NAV2: variants seen among roughly 807,000 people sequenced by gnomAD.
NAV2 encodes neuron navigator 2.
In NAV2, 54 loss-of-function variants were observed where a neutral mutation model predicts 223.2. The observed-to-expected ratio is 0.24, with a 90% CI of 0.19 to 0.30. NAV2 has a LOEUF of 0.30. Ranked by LOEUF, NAV2 falls within the 10% of genes least tolerant of loss-of-function variation. The pLI, the probability that NAV2 is intolerant of heterozygous loss-of-function variation, is 1.00. For synonymous variants in NAV2, 1,279 were observed against 1,239.3 expected (o/e 1.03, Z -0.67); for missense variants, 2,806 against 3,147.5 (o/e 0.89, Z 2.60).
At chr11:19,432,161 G>A (rs1851059850) in intron 1 of NAV2, among the ~76,000 whole-genome samples, 1 of 148,666 alleles carries the variant, frequency 6.7e-6, no homozygotes, top group Non-Finnish European at 1.5e-5. Flanking sequence ...TTGCACCACT[G>A]CACTCCAGCC....
intron 6 of NAV2, among the ~76,000 whole-genome samples, chr11:19,932,718 A>T (rs2045492458): frequency 1.3e-5 from 2 of 152,328 alleles, no homozygotes; most frequent in Non-Finnish European, 2.9e-5. Context: ...AAGATTCTAC[A>T]TGGTTTCTCC....
At chr11:19,359,725 C>T (rs1853822610) in intron 1 of NAV2, among the ~76,000 whole-genome samples, 1 of 152,186 alleles carries the variant, frequency 6.6e-6, no homozygotes, top group African/African-American at 2.4e-5. Flanking sequence ...AGAGAAACAG[C>T]TTTGAGCAAG....
chr11:19,932,967 T>C (rs747226859), intron 6 of NAV2, among the ~76,000 whole-genome samples: 14 of 151,940 alleles, frequency 9.2e-5, no homozygotes, highest in African/African-American at 3.1e-4. Flanking sequence ...TGTGATGGGG[T>C]TGGGGGGATG....
At chr11:20,053,729 A>G (rs56134503) in intron 17 of NAV2, among the ~76,000 whole-genome samples, 8,394 of 152,274 alleles carry the variant, frequency 0.055, 522 homozygotes, top group African/African-American at 0.16. Flanking sequence ...CTCTAACAGC[A>G]GCTCATTTTG....
At chr11:19,751,283 A>C (rs1034410840) in intron 1 of NAV2, among the ~76,000 whole-genome samples, 11 of 152,308 alleles carry the variant, frequency 7.2e-5, no homozygotes, top group African/African-American at 2.4e-4. Context: ...TGAGCTCTTA[A>C]CCAATACTCA....
At chr11:19,913,029 C>T (rs905657256) in intron 6 of NAV2, among the ~76,000 whole-genome samples, 3 of 152,190 alleles carry the variant, frequency 2.0e-5, no homozygotes, top group Non-Finnish European at 4.4e-5. Flanking sequence ...GCATCAGAGT[C>T]GCCATGAAAG....
chr11:19,376,753 G>A (rs536086717), intron 1 of NAV2, among the ~76,000 whole-genome samples: 1 of 152,208 alleles, frequency 6.6e-6, no homozygotes, highest in African/African-American at 2.4e-5. Flanking sequence ...TAGCACTGGG[G>A]CTCTGGAAAA....
At chr11:19,965,443 T>C (rs1038302979) in intron 10 of NAV2, among the ~76,000 whole-genome samples, 1 of 152,244 alleles carries the variant, frequency 6.6e-6, no homozygotes, top group African/African-American at 2.4e-5. Flanking sequence ...ATTCTCTTGT[T>C]CATGGAACGC....
At chr11:19,682,174 T>C (rs1383232919) in intron 1 of NAV2, among the ~76,000 whole-genome samples, 2 of 152,096 alleles carry the variant, frequency 1.3e-5, no homozygotes, top group South Asian at 2.1e-4. Flanking sequence ...TGTTGACTTA[T>C]GTAGATTGAG....
At chr11:19,778,716 A>G (rs1422548332) in intron 1 of NAV2, among the ~76,000 whole-genome samples, 2 of 152,212 alleles carry the variant, frequency 1.3e-5, no homozygotes, top group Non-Finnish European at 2.9e-5. Context: ...ACTTCATTTA[A>G]TGTGCTGTAA....
At chr11:20,018,530 C>A (rs2054210521) in intron 11 of NAV2, among the ~76,000 whole-genome samples, 1 of 152,018 alleles carries the variant, frequency 6.6e-6, no homozygotes, top group Non-Finnish European at 1.5e-5. Flanking sequence ...CTAAGTGGGT[C>A]TGTGACCAAA....
intron 3 of NAV2, 101 bp downstream of exon 3, chr11:19,843,024 C>T: frequency 1.1e-6 from 1 of 943,272 alleles, no homozygotes; most frequent in Non-Finnish European, 1.7e-6. Context: ...ATGCTTTACT[C>T]CAGGGGATTA....
intron 1 of NAV2, among the ~76,000 whole-genome samples, chr11:19,766,718 T>C (rs767803028): frequency 6.6e-6 from 1 of 152,106 alleles, no homozygotes; most frequent in Non-Finnish European, 1.5e-5. Context: ...ACTCCTGGGA[T>C]CTCCTTCTAT....
At chr11:19,592,267 C>G (rs1170713101) in intron 1 of NAV2, among the ~76,000 whole-genome samples, 1 of 151,992 alleles carries the variant, frequency 6.6e-6, no homozygotes, top group East Asian at 1.9e-4. Context: ...GTTGTTTAAG[C>G]ACTCCCACCG....
chr11:19,430,727 C>T (rs1851009871), intron 1 of NAV2, among the ~76,000 whole-genome samples: 1 of 152,202 alleles, frequency 6.6e-6, no homozygotes, highest in South Asian at 2.1e-4. Flanking sequence ...GCCAGTCTCC[C>T]CTGCCGTGTG....
rs544369579 is a variant in NAV2 at position 20,100,624 on chromosome 11, G to A, written c.6182-313G>A. Among the ~76,000 whole-genome samples the A allele has an allele frequency of 9.2e-5, 14 of 151,370 alleles. No individual in the cohort carries two copies. The East Asian group carries it at 2.4e-3, about 25-fold the overall frequency. On this transcript the variant is annotated intron_variant, in intron 31 of 37. Transcript: ENST00000349880. ...TATAGTAAATCCAGACAGGCAAATA[G>A]AGCCCAGAGCCTCATGAATTCTGCA...
At chr11:19,754,173 C>A (rs1181865794) in intron 1 of NAV2, among the ~76,000 whole-genome samples, 1 of 152,124 alleles carries the variant, frequency 6.6e-6, no homozygotes, top group African/African-American at 2.4e-5. Context: ...CTTTTCAATG[C>A]CCTTCCTCCC....
At chr11:19,533,994 C>CTCTCT (rs2044110891) in intron 1 of NAV2, among the ~76,000 whole-genome samples, 1 of 152,072 alleles carries the variant, frequency 6.6e-6, no homozygotes, top group African/African-American at 2.4e-5. Context: ...GCGTGAGCCA[C>CTCTCT]CGCGCCCGGC....
chr11:19,861,585 AC>A, intron 3 of NAV2, among the ~76,000 whole-genome samples: 1 of 152,352 alleles, frequency 6.6e-6, no homozygotes, highest in Non-Finnish European at 1.5e-5. Context: ...AGATCAGGCC[AC>A]TGGGGTAATT....
Sources: gnomAD v4.1 joint callset for allele counts (sites outside exome capture counted in the v4.1 genomes callset) on GRCh38, gnomAD v4.1.1 for gene constraint, MANE v1.5 for transcripts, NCBI Gene and HGNC (gene_info 2026-07-23, HGNC 2026-07-21) for gene names.